The following EYS variants were observed in gnomAD, a reference collection of about 807,000 sequenced individuals.
The protein encoded by EYS is protein eyes shut homolog.
In EYS, 250 loss-of-function variants were observed where a neutral mutation model predicts 282.1. The ratio of observed to expected loss-of-function variants is 0.89; its 90% confidence interval spans 0.80 to 0.98. The LOEUF (loss-of-function observed/expected upper bound fraction) is 0.98. Ranked by LOEUF, EYS falls within the 50% of genes least tolerant of loss-of-function variation. The pLI is 0.00. For synonymous variants in EYS, 1,355 were observed against 1,282.9 expected (o/e 1.06, Z -1.20); for missense variants, 4,016 against 3,709.0 (o/e 1.08, Z -2.15).
intron 13 of EYS, among the ~76,000 whole-genome samples, chr6:65,037,343 A>C (rs918599359): frequency 1.2e-4 from 18 of 151,718 alleles, no homozygotes; most frequent in Admixed American, 1.1e-3. Flanking sequence ...AGGATCAAAA[A>C]ACTACCTATC....
chr6:64,238,201 A>G (rs1434671661), intron 30 of EYS, among the ~76,000 whole-genome samples: 1 of 152,112 alleles, frequency 6.6e-6, no homozygotes, highest in Non-Finnish European at 1.5e-5. Context: ...CACAAATAGG[A>G]TTCCTTAGAT....
intron 11 of EYS, among the ~76,000 whole-genome samples, chr6:65,309,971 T>A (rs1185668820): frequency 6.6e-6 from 1 of 152,224 alleles, no homozygotes; most frequent in African/African-American, 2.4e-5. Flanking sequence ...TGAATAGCCA[T>A]ATTGATCCTT....
intron 39 of EYS, chr6:63,786,102 A>G (rs777107095): frequency 6.6e-6 from 1 of 151,254 alleles, no homozygotes; most frequent in Non-Finnish European, 1.5e-5. Context: ...GCTCAGCTAC[A>G]TGAGAGGCTA....
chr6:65,428,184 CTTATGTTCA>C (rs1767736169), intron 5 of EYS, among the ~76,000 whole-genome samples: 1 of 151,930 alleles, frequency 6.6e-6, no homozygotes, highest in African/African-American at 2.4e-5. Flanking sequence ...TCTTAGTATG[CTTATGTTCA>C]TTATTTTGAA....
At chr6:64,094,432 C>A (rs1772503212) in intron 31 of EYS, among the ~76,000 whole-genome samples, 1 of 152,060 alleles carries the variant, frequency 6.6e-6, no homozygotes, top group South Asian at 2.1e-4. Context: ...TCAATTTCAG[C>A]TCCTGTTATT....
At chr6:65,042,491 C>T (rs1390460813) in intron 13 of EYS, among the ~76,000 whole-genome samples, 1 of 151,190 alleles carries the variant, frequency 6.6e-6, no homozygotes, top group African/African-American at 2.4e-5. Context: ...ATTGATATAG[C>T]CATCCCTTTT....
At position 64,948,953 on chromosome 6, in the gene EYS, G is replaced by C. The variant is rs73767194; in HGVS notation, c.2260-3039C>G. 8.3e-3 allele frequency among the ~76,000 whole-genome samples: 1,264 copies of C among 151,948 alleles called. 17 individuals are homozygous for C. Among genetic ancestry groups the C allele is most frequent in the African/African-American group, 0.029 (1,203 of 41,492 alleles). ...AAAGACAAAGCTGTCAAGTTTGATA[G>C]TTGTAAATGCATAAACTATATAGTA... On this transcript the variant is annotated intron_variant, in intron 14 of 42. Transcript: ENST00000503581.
intron 22 of EYS, among the ~76,000 whole-genome samples, chr6:64,728,363 C>T (rs769365912): frequency 9.9e-5 from 15 of 151,898 alleles, no homozygotes; most frequent in African/African-American, 3.6e-4. Flanking sequence ...GAGATGGAGT[C>T]TTGCTCTGTC....
chr6:64,198,956 G>A (rs1014332391), intron 31 of EYS, among the ~76,000 whole-genome samples: 24 of 152,078 alleles, frequency 1.6e-4, no homozygotes, highest in Non-Finnish European at 2.2e-4. Flanking sequence ...GTGTAAAAGC[G>A]TTCCTATTTC....
intron 33 of EYS, among the ~76,000 whole-genome samples, chr6:64,019,864 A>ATG (rs1769099975): frequency 4.7e-5 from 7 of 147,576 alleles, no homozygotes; most frequent in East Asian, 1.9e-4. Flanking sequence ...ATATATATAT[A>ATG]TATACTTACA....
At chr6:65,531,187 T>C (rs1485771177) in intron 2 of EYS, among the ~76,000 whole-genome samples, 2 of 151,946 alleles carry the variant, frequency 1.3e-5, no homozygotes, top group African/African-American at 4.8e-5. Flanking sequence ...TGCCACAGAG[T>C]TCAGGATAGG....
At chr6:64,733,717 C>A (rs1772059416) in intron 22 of EYS, 1 of 160,684 alleles carries the variant, frequency 6.2e-6, no homozygotes, top group South Asian at 1.8e-4. Context: ...GGCTTAGAAT[C>A]ATAGCGCTGC....
rs149460119 is a variant in EYS, at chr6:65,456,381, C to T, written c.862+34213G>A. ...GGGAGAACCACTTGAACCTGAGAGGCGGAGGTTGCAGTGAGTCGAGATCAC... is the reference window on the plus strand; with the variant it reads ...GGGAGAACCACTTGAACCTGAGAGGTGGAGGTTGCAGTGAGTCGAGATCAC... On this transcript the variant is annotated intron_variant, in intron 5 of 42. Transcript: ENST00000503581. 1.5e-3 allele frequency among the ~76,000 whole-genome samples: 233 copies of T among 150,932 alleles called. 1 individual carries two copies. Among genetic ancestry groups the T allele is most frequent in the African/African-American group, 5.4e-3 (222 of 41,150 alleles).
intron 22 of EYS, among the ~76,000 whole-genome samples, chr6:64,647,790 T>C (rs1177606994): frequency 1.3e-5 from 2 of 152,204 alleles, no homozygotes; most frequent in Admixed American, 6.5e-5. Flanking sequence ...TGTTATTCTT[T>C]ATTGGCAAAA....
intron 33 of EYS, among the ~76,000 whole-genome samples, chr6:64,011,087 A>T (rs1768599896): frequency 6.6e-6 from 1 of 152,076 alleles, no homozygotes; most frequent in Admixed American, 6.5e-5. Flanking sequence ...ACAGGAGATA[A>T]GCTTTTCTAT....
At chr6:65,268,533 T>C (rs1767816759) in intron 12 of EYS, among the ~76,000 whole-genome samples, 2 of 151,980 alleles carry the variant, frequency 1.3e-5, no homozygotes, top group Non-Finnish European at 2.9e-5. Flanking sequence ...TTGATAAAAA[T>C]AGAGATCACA....
chr6:64,293,813 T>C (rs999183975), intron 30 of EYS, among the ~76,000 whole-genome samples: 1 of 152,154 alleles, frequency 6.6e-6, no homozygotes, highest in Non-Finnish European at 1.5e-5. Flanking sequence ...TCCTACTATT[T>C]CTAATAAGGC....
chr6:63,750,349 G>A (rs1299486134), intron 41 of EYS, among the ~76,000 whole-genome samples: 1 of 152,066 alleles, frequency 6.6e-6, no homozygotes, highest in Non-Finnish European at 1.5e-5. Context: ...TTGGGTTTGA[G>A]CATTTGAAAA....
At chr6:63,869,710 G>T (rs1171890966) in intron 35 of EYS, among the ~76,000 whole-genome samples, 2 of 152,082 alleles carry the variant, frequency 1.3e-5, no homozygotes, top group African/African-American at 4.8e-5. Flanking sequence ...AGGAAAAGGA[G>T]GTAAGAATAA....
Sources: allele counts gnomAD v4.1 joint callset (sites outside exome capture counted in the v4.1 genomes callset), GRCh38; gene constraint gnomAD v4.1.1; transcripts MANE v1.5; gene names NCBI Gene and HGNC (gene_info 2026-07-23, HGNC 2026-07-21).